DCLK1: variants seen among roughly 807,000 people sequenced by gnomAD.
DCLK1 encodes the protein doublecortin like kinase 1, also known as serine/threonine-protein kinase DCLK1.
DCLK1 carries 16 observed loss-of-function variants against 86.2 expected under a neutral mutation model. That is an observed-to-expected ratio of 0.19 (90% confidence interval 0.13 to 0.28). The LOEUF is 0.28. Ranked by LOEUF, DCLK1 falls within the 10% of genes least tolerant of loss-of-function variation. DCLK1 has a pLI of 1.00. For synonymous variants in DCLK1, 369 were observed against 370.5 expected, an observed-to-expected ratio of 1.00 and a Z score of 0.05; for missense variants, 590 against 940.2, an observed-to-expected ratio of 0.63 and a Z score of 4.87.
chr13:35,969,514 T>C (rs1416662412), intron 3 of DCLK1, among the ~76,000 whole-genome samples: 1 of 152,166 alleles, frequency 6.6e-6, no homozygotes, highest in Non-Finnish European at 1.5e-5. Context: ...TACTGACACC[T>C]TGATTATGAA....
At chr13:36,103,531 C>T (rs1419742743) in intron 3 of DCLK1, among the ~76,000 whole-genome samples, 1 of 151,712 alleles carries the variant, frequency 6.6e-6, no homozygotes, top group Non-Finnish European at 1.5e-5. Context: ...AAATTCTTTA[C>T]ATTGATTATA....
At chr13:36,072,990 C>G (rs906629784) in intron 3 of DCLK1, among the ~76,000 whole-genome samples, 1 of 152,166 alleles carries the variant, frequency 6.6e-6, no homozygotes, top group South Asian at 2.1e-4. Context: ...CTCAAATCAT[C>G]TAAGATATTA....
chr13:35,874,775 G>C (rs1215695038), intron 4 of DCLK1, among the ~76,000 whole-genome samples: 1 of 152,172 alleles, frequency 6.6e-6, no homozygotes, highest in African/African-American at 2.4e-5. Context: ...ATTTTGATTC[G>C]CAAAACAGAG....
chr13:35,812,946 T>C (rs1260263560), intron 11 of DCLK1, among the ~76,000 whole-genome samples: 1 of 152,214 alleles, frequency 6.6e-6, no homozygotes, highest in Admixed American at 6.5e-5. Context: ...GTTAAAAACT[T>C]TGAGGCATCA....
At chr13:35,850,733 C>CCTA in intron 6 of DCLK1, 1 of 1,602,394 alleles carries the variant, frequency 6.2e-7, no homozygotes, top group Non-Finnish European at 8.5e-7. Context: ...CACTGAGTCT[C>CCTA]CTACTGAATC....
At chr13:36,052,760 T>A (rs1289798549) in intron 3 of DCLK1, among the ~76,000 whole-genome samples, 1 of 152,164 alleles carries the variant, frequency 6.6e-6, no homozygotes, top group Non-Finnish European at 1.5e-5. Context: ...TACTGCTCCA[T>A]GTCATTATGT....
intron 3 of DCLK1, among the ~76,000 whole-genome samples, chr13:35,967,922 G>A (rs535755109): frequency 6.6e-6 from 1 of 152,208 alleles, no homozygotes; most frequent in South Asian, 2.1e-4. Flanking sequence ...TCAGGAGGCT[G>A]AGGCAGGAGA....
chr13:35,944,572 T>A (rs1877263068), intron 4 of DCLK1, among the ~76,000 whole-genome samples: 1 of 152,238 alleles, frequency 6.6e-6, no homozygotes, highest in African/African-American at 2.4e-5. Context: ...GTGAATTTAG[T>A]CTTGGGGTAA....
rs527919920 is a variant in DCLK1 at position 35,818,513 on chromosome 13, G to A, written c.1554+4216C>T. On this transcript the variant is annotated intron_variant, in intron 11 of 16. Coordinates refer to ENST00000360631, the MANE Select transcript of DCLK1 (RefSeq NM_001330071.2). ...GCCAAGGAGAGGCAGTTTTTCTCCTGCAGGGTCTTGGGGACTTTGGGAGGG... is the reference window on the plus strand; with the variant it reads ...GCCAAGGAGAGGCAGTTTTTCTCCTACAGGGTCTTGGGGACTTTGGGAGGG... Among the ~76,000 whole-genome samples the A allele has an allele frequency of 5.3e-5, 8 of 152,306 alleles. No individual in the cohort carries two copies. The South Asian group carries it at 8.3e-4, about 16-fold the overall frequency.
chr13:35,965,591 C>A (rs1212231214), intron 3 of DCLK1, among the ~76,000 whole-genome samples: 1 of 152,160 alleles, frequency 6.6e-6, no homozygotes, highest in African/African-American at 2.4e-5. Context: ...TCAGGGAAAC[C>A]TTGAAATGTC....
intron 4 of DCLK1, among the ~76,000 whole-genome samples, chr13:35,940,356 T>C (rs1877018475): frequency 6.6e-6 from 1 of 151,518 alleles, no homozygotes; most frequent in South Asian, 2.1e-4. Flanking sequence ...TGTCTGCAGG[T>C]ACTTGAGCTT....
chr13:35,815,187 A>G (rs1383447200), intron 11 of DCLK1, among the ~76,000 whole-genome samples: 1 of 152,214 alleles, frequency 6.6e-6, no homozygotes, highest in Non-Finnish European at 1.5e-5. Flanking sequence ...GCTACAACTT[A>G]CTGAACAGTA....
chr13:35,842,944 G>A (rs942674462), intron 6 of DCLK1, among the ~76,000 whole-genome samples: 2 of 152,152 alleles, frequency 1.3e-5, no homozygotes, highest in South Asian at 4.1e-4. Flanking sequence ...GACCCTGCTG[G>A]AACATTTCTA....
At chr13:36,046,198 C>T (rs941997105) in intron 3 of DCLK1, among the ~76,000 whole-genome samples, 4 of 152,160 alleles carry the variant, frequency 2.6e-5, no homozygotes, top group South Asian at 4.1e-4. Context: ...CAAACATACA[C>T]TCTACTGTGG....
chr13:35,973,770 C>T (rs890164250), intron 3 of DCLK1, among the ~76,000 whole-genome samples: 3 of 152,054 alleles, frequency 2.0e-5, no homozygotes, highest in Admixed American at 2.0e-4. Context: ...ATCCTGCAGA[C>T]AGGTTAAGGA....
chr13:35,867,907 G>GA (rs370346232), intron 5 of DCLK1, among the ~76,000 whole-genome samples: 3 of 44,732 alleles, frequency 6.7e-5, no homozygotes, highest in Non-Finnish European at 1.3e-4. Context: ...GAGAAAGAAA[G>GA]AAAAAGAAAG....
At chr13:35,814,042 A>G (rs1370443348) in intron 11 of DCLK1, among the ~76,000 whole-genome samples, 2 of 152,044 alleles carry the variant, frequency 1.3e-5, no homozygotes, top group African/African-American at 4.8e-5. Flanking sequence ...AATATACTTC[A>G]GTGTTTCTTC....
intron 5 of DCLK1, chr13:35,855,662 T>C (rs1406247481): frequency 1.9e-5 from 27 of 1,439,022 alleles, no homozygotes; most frequent in Middle Eastern, 1.9e-4. Context: ...GCAGGCTGAA[T>C]GAGATGCAGG....
intron 3 of DCLK1, among the ~76,000 whole-genome samples, chr13:36,090,597 A>G (rs1884783794): frequency 1.3e-5 from 2 of 152,260 alleles, no homozygotes; most frequent in South Asian, 4.1e-4. Context: ...GTAGGAGAGG[A>G]AAGAGACAGG....
Sources: gnomAD v4.1 joint callset for allele counts (sites outside exome capture counted in the v4.1 genomes callset) on GRCh38, gnomAD v4.1.1 for gene constraint, MANE v1.5 for transcripts, NCBI Gene and HGNC (gene_info 2026-07-23, HGNC 2026-07-21) for gene names.